Variants in HMGN3 observed in about 807,000 individuals in gnomAD.
The protein encoded by HMGN3 is high mobility group nucleosome-binding domain-containing protein 3.
In HMGN3, 6 loss-of-function variants were observed where a neutral mutation model predicts 18.8. That is an observed-to-expected ratio of 0.32 (90% confidence interval 0.18 to 0.63). HMGN3 has a LOEUF of 0.63. Among genes scored for constraint, HMGN3 ranks in the 30% least tolerant of loss-of-function variants. The pLI is 0.79. For missense variants in HMGN3, 107 were observed against 114.2 expected (o/e 0.94, Z 0.29); for synonymous variants, 40 against 36.5 (o/e 1.10, Z -0.35).
At chr6:79,220,880 T>C (rs541201443) in intron 1 of HMGN3, among the ~76,000 whole-genome samples, 8 of 152,100 alleles carry the variant, frequency 5.3e-5, no homozygotes, top group African/African-American at 1.9e-4. Context: ...GGGGGGATGA[T>C]AAGGAAAAAG....
chr6:79,214,861 T>C, intron 2 of HMGN3, 111 bp downstream of exon 2: 2 of 683,534 alleles, frequency 2.9e-6, no homozygotes. Flanking sequence ...ATCATTCATA[T>C]TAAACTTTGT....
At chr6:79,214,486 C>A (rs944495424) in intron 2 of HMGN3, among the ~76,000 whole-genome samples, 1 of 152,202 alleles carries the variant, frequency 6.6e-6, no homozygotes, top group Non-Finnish European at 1.5e-5. Flanking sequence ...CAGGCGTGAG[C>A]CACTGCGCCC....
intron 2 of HMGN3, among the ~76,000 whole-genome samples, chr6:79,209,527 T>C (rs958467522): frequency 3.9e-5 from 6 of 152,346 alleles, no homozygotes; most frequent in African/African-American, 1.4e-4. Context: ...CAACATATAG[T>C]ACAAACTCAG....
exon 6 of HMGN3, chr6:79,201,685 A>T: frequency 6.3e-7 from 1 of 1,577,158 alleles, no homozygotes; most frequent in Non-Finnish European, 8.7e-7. Context: ...TTTTCATGAC[A>T]ATTCATTCTC....
In HMGN3 at chr6:79,206,857, C is replaced by T. The variant is rs9448659; in HGVS notation, c.96+1690G>A. Among the ~76,000 whole-genome samples the T allele has an allele frequency of 9.8e-3, 1,489 of 152,328 alleles. 15 individuals are homozygous for T. The highest frequency in any genetic ancestry group is 0.034 in the African/African-American group (1,395 of 41,580). ...GAAAAGCCACAGGGGCGGAGTTACC[C>T]AAGACCATGGAAACCCACGTCCTGC... On this transcript the variant is annotated intron_variant, in intron 3 of 5. Coordinates refer to ENST00000344726, the Ensembl canonical transcript of HMGN3.
intron 1 of HMGN3, among the ~76,000 whole-genome samples, chr6:79,218,767 T>C (rs995269341): frequency 5.3e-5 from 8 of 152,210 alleles, no homozygotes; most frequent in Non-Finnish European, 1.2e-4. Flanking sequence ...ATAATATTTA[T>C]TTAGATACTA....
intron 1 of HMGN3, chr6:79,233,997 G>C (rs1483750099): frequency 6.5e-6 from 1 of 153,140 alleles, no homozygotes; most frequent in Non-Finnish European, 1.5e-5. Context: ...GGTACATACG[G>C]GTCTGCAGCG....
intron 1 of HMGN3, among the ~76,000 whole-genome samples, chr6:79,226,282 C>G (rs9361503): frequency 0.41 from 62,715 of 152,056 alleles, 14,846 homozygotes; most frequent in East Asian, 0.8. Flanking sequence ...AGTGAAATCC[C>G]AACTCAGCCA....
rs138893887 is a variant in HMGN3, at chr6:79,202,500, T to C, written c.148-111A>G. 766 of 891,198 alleles carry C rather than the reference T, an allele frequency of 8.6e-4. 7 individuals are homozygous for C. The African/African-American group carries it at 0.011, about 13-fold the overall frequency. The allele number at this position is 891,198 out of a possible 1,614,324, so 55.2% of individuals were successfully genotyped here. A position where few individuals can be genotyped will look rare whatever the true frequency, so the allele number is the denominator to read the frequency against. On this transcript the variant is annotated intron_variant, in intron 4 of 5. Transcript: ENST00000344726. ...AGGTGAAGTACAACCGTTACCATCATGGTGGCCTTTATGGAGACACGGGAG... is the reference window on the plus strand; with the variant it reads ...AGGTGAAGTACAACCGTTACCATCACGGTGGCCTTTATGGAGACACGGGAG...
At chr6:79,215,495 C>T (rs1275892506) in intron 1 of HMGN3, among the ~76,000 whole-genome samples, 1 of 152,176 alleles carries the variant, frequency 6.6e-6, no homozygotes, top group Non-Finnish European at 1.5e-5. Flanking sequence ...GATTTCTAGC[C>T]CATTTCTTGA....
intron 1 of HMGN3, chr6:79,233,661 T>C (rs1417537442): frequency 6.6e-6 from 1 of 152,236 alleles, no homozygotes; most frequent in Non-Finnish European, 1.5e-5. Context: ...GGGAGATTTG[T>C]GTCCCTGAAT....
At chr6:79,231,197 T>C (rs572759809) in intron 1 of HMGN3, among the ~76,000 whole-genome samples, 1 of 152,338 alleles carries the variant, frequency 6.6e-6, no homozygotes, top group African/African-American at 2.4e-5. Flanking sequence ...AAAATGTGTT[T>C]CCTGTCGCTA....
At chr6:79,206,658 A>G (rs923749255) in intron 3 of HMGN3, among the ~76,000 whole-genome samples, 1 of 152,248 alleles carries the variant, frequency 6.6e-6, no homozygotes, top group Non-Finnish European at 1.5e-5. Flanking sequence ...GTGGGGTTGA[A>G]GCCCTCACAC....
At chr6:79,204,906 TAAGCTTTG>T (rs1776340405) in intron 3 of HMGN3, among the ~76,000 whole-genome samples, 1 of 152,262 alleles carries the variant, frequency 6.6e-6, no homozygotes, top group Non-Finnish European at 1.5e-5. Flanking sequence ...TTTGTCATCC[TAAGCTTTG>T]ATATACTGTA....
intron 3 of HMGN3, among the ~76,000 whole-genome samples, chr6:79,207,310 G>A (rs1776469694): frequency 6.6e-6 from 1 of 152,192 alleles, no homozygotes; most frequent in Non-Finnish European, 1.5e-5. Flanking sequence ...CATGTGTCAT[G>A]GGAGGAACCT....
chr6:79,214,490 T>A (rs558500196), intron 2 of HMGN3, among the ~76,000 whole-genome samples: 6 of 152,154 alleles, frequency 3.9e-5, no homozygotes, highest in Non-Finnish European at 7.3e-5. Flanking sequence ...CGTGAGCCAC[T>A]GCGCCCGGCC....
At chr6:79,230,987 A>G (rs1777811185) in intron 1 of HMGN3, among the ~76,000 whole-genome samples, 2 of 152,210 alleles carry the variant, frequency 1.3e-5, no homozygotes, top group Admixed American at 1.3e-4. Flanking sequence ...GGAAACAGAT[A>G]AAAACCTAAT....
intron 3 of HMGN3, among the ~76,000 whole-genome samples, chr6:79,208,304 T>C (rs1019682263): frequency 1.3e-5 from 2 of 152,218 alleles, no homozygotes; most frequent in South Asian, 4.1e-4. Flanking sequence ...TCTAGCAATG[T>C]CAAACAACAT....
intron 4 of HMGN3, among the ~76,000 whole-genome samples, chr6:79,202,769 G>T (rs1010555240): frequency 5.3e-5 from 8 of 152,124 alleles, no homozygotes; most frequent in African/African-American, 1.4e-4. Flanking sequence ...CCAGCCAGGG[G>T]GTGGCTCTGT....
Sources: gnomAD v4.1 joint callset for allele counts (sites outside exome capture counted in the v4.1 genomes callset) on GRCh38, gnomAD v4.1.1 for gene constraint, MANE v1.5 for transcripts, NCBI Gene and HGNC (gene_info 2026-07-23, HGNC 2026-07-21) for gene names.